Variants in BMP8B observed in about 807,000 individuals in gnomAD.
BMP8B encodes bone morphogenetic protein 8b.
In BMP8B, 17 loss-of-function variants were observed where a neutral mutation model predicts 30.3. That is an observed-to-expected ratio of 0.56 (90% CI 0.38 to 0.84). The LOEUF (loss-of-function observed/expected upper bound fraction) is 0.84, where lower values mean the gene tolerates loss of function less well. Ranked by LOEUF, BMP8B falls within the 40% of genes least tolerant of loss-of-function variation. BMP8B has a pLI of 0.00. For synonymous variants in BMP8B, 131 were observed against 214.7 expected (o/e 0.61, Z 3.41); for missense variants, 253 against 494.6 (o/e 0.51, Z 4.63).
intron 3 of BMP8B, chr1:39,769,531 C>T: frequency 1.1e-6 from 1 of 944,966 alleles, no homozygotes; most frequent in African/African-American, 1.7e-5. Context: ...GATCTGTTTT[C>T]CTGTTGTTTT....
chr1:39,764,271 G>C (rs1315650052), intron 4 of BMP8B, among the ~76,000 whole-genome samples: 4 of 151,480 alleles, frequency 2.6e-5, no homozygotes, highest in African/African-American at 9.8e-5. Flanking sequence ...GAGAAAACTC[G>C]CATAAGCAAC....
At chr1:39,775,081 G>C (rs548733741) in intron 1 of BMP8B, 43 bp from the exon 2 acceptor site, 2 of 1,423,892 alleles carry the variant, frequency 1.4e-6, no homozygotes, top group African/African-American at 2.8e-5. Flanking sequence ...AGAATGGCTC[G>C]GGCTCTGGAG....
rs370056406 is a variant in BMP8B at position 39,775,019 on chromosome 1, C to T, written c.354G>A (p.Leu118=). 92,391 of 1,411,292 alleles carry T rather than the reference C, an allele frequency of 0.065. 3,200 individuals carry two copies. The highest frequency in any genetic ancestry group is 0.12 in the Middle Eastern group (503 of 4,122). The allele number at this position is 1,411,292 out of a possible 1,614,324, so 87.4% of individuals were successfully genotyped here. A position where few individuals can be genotyped will look rare whatever the true frequency, so the allele number is the denominator to read the frequency against. ...FVNMVERDRA[L]GHQEPHWKEF... ...CCTTCCAATGGGGCTCCTGGTGGCC[C>T]AGGGCACGGTCTCGCTCCACTAGAA... The change falls in exon 2 of 7, where the codon CTG becomes CTA. Residue 118 remains leucine, a synonymous_variant. Transcript: ENST00000372827.
Position 39,782,672 on chromosome 1 carries a change from T to C in BMP8B, c.334+5480A>G, listed in dbSNP as rs989421125. ...TAGTAGAGACGGGGTTTCACCATGT[T>C]GTCCAGGCTTGTCTTTAACTCCTGA... On this transcript the variant is annotated intron_variant, in intron 1 of 6. Transcript: ENST00000372827. 4.6e-5 allele frequency among the ~76,000 whole-genome samples: 7 copies of C among 152,136 alleles called. No homozygotes were observed. In the East Asian group the frequency reaches 9.6e-4, roughly 21 times the overall value.
At chr1:39,770,364 C>A in intron 3 of BMP8B, 1 of 1,595,870 alleles carries the variant, frequency 6.3e-7, no homozygotes, top group South Asian at 1.1e-5. Flanking sequence ...CGCGTCCTGG[C>A]GTCCTCTTCC....
rs1231858999 is a variant in BMP8B at position 39,759,330 on chromosome 1, C to T, written c.*1089G>A. On this transcript the variant is annotated 3_prime_UTR_variant, in exon 7 of 7. Coordinates refer to ENST00000372827, the MANE Select transcript of BMP8B (RefSeq NM_001720.5). ...TTGGTGATCAGCCTGTTTTTGATGG[C>T]CCCTGGCCTCGCCCCAGACCCGGTC... is the stretch of plus-strand genomic sequence containing the variant. The T allele has an allele frequency of 6.6e-6, 1 of 152,304 alleles. No individual in the cohort carries two copies. Among genetic ancestry groups the T allele is most frequent in the African/African-American group, 2.4e-5 (1 of 41,460 alleles). The allele number at this position is 152,304 out of a possible 1,614,324, so 9.4% of individuals were successfully genotyped here.
At chr1:39,778,899 G>A (rs1481433046) in intron 1 of BMP8B, among the ~76,000 whole-genome samples, 1 of 151,948 alleles carries the variant, frequency 6.6e-6, no homozygotes, top group Non-Finnish European at 1.5e-5. Flanking sequence ...CAGCCCGGAA[G>A]AGCCCCCATC....
chr1:39,786,559 G>A (rs1443474559), intron 1 of BMP8B, among the ~76,000 whole-genome samples: 1 of 152,218 alleles, frequency 6.6e-6, no homozygotes, highest in African/African-American at 2.4e-5. Flanking sequence ...CCCAGGGGAT[G>A]CCAGGGGAGG....
chr1:39,785,663 C>T (rs1650924571), intron 1 of BMP8B, among the ~76,000 whole-genome samples: 1 of 151,956 alleles, frequency 6.6e-6, no homozygotes, highest in Admixed American at 6.5e-5. Flanking sequence ...GGTGACACCA[C>T]AGTGACCCTG....
intron 3 of BMP8B, among the ~76,000 whole-genome samples, chr1:39,769,284 C>T (rs1477548137): frequency 4.0e-5 from 6 of 150,890 alleles, no homozygotes; most frequent in Non-Finnish European, 5.9e-5. Context: ...TCGCCTATTT[C>T]TCACTGCAGT....
chr1:39,763,051 C>T (rs764688747), intron 6 of BMP8B, 41 bp downstream of exon 6: 22 of 1,602,928 alleles, frequency 1.4e-5, no homozygotes, highest in Admixed American at 1.3e-4. Context: ...CCACAGGGCC[C>T]CCCACCCCAG....
chr1:39,762,409 T>C, intron 6 of BMP8B: 2 of 1,375,614 alleles, frequency 1.5e-6, no homozygotes, highest in Non-Finnish European at 1.9e-6. Context: ...GGATTCTAGG[T>C]AAAAAGTTCT....
At chr1:39,782,629 G>A (rs984560267) in intron 1 of BMP8B, among the ~76,000 whole-genome samples, 6 of 152,036 alleles carry the variant, frequency 3.9e-5, no homozygotes, top group African/African-American at 7.2e-5. Context: ...CACCACAGCC[G>A]GCTAATTTTT....
intron 1 of BMP8B, 138 bp from the exon 2 acceptor site, chr1:39,775,176 T>C: frequency 3.0e-6 from 4 of 1,312,450 alleles, no homozygotes; most frequent in Non-Finnish European, 4.2e-6. Flanking sequence ...TGGGGCCGGC[T>C]TCATTTAGTG....
In BMP8B at chr1:39,759,099, G is replaced by C. The variant is rs1648605856; in HGVS notation, c.*1320C>G. On this transcript the variant is annotated 3_prime_UTR_variant, in exon 7 of 7. Transcript: ENST00000372827. ...TTCCAGCAGGTAAATTACAGGCTTA[G>C]CAAGTCAGAAATCAAATAAACACTC... 1 of 152,284 alleles carries C rather than the reference G, an allele frequency of 6.6e-6. No individual in the cohort carries two copies. The allele number at this position is 152,284 out of a possible 1,614,324, so 9.4% of individuals were successfully genotyped here. A position where few individuals can be genotyped will look rare whatever the true frequency, so the allele number is the denominator to read the frequency against.
At position 39,769,632 on chromosome 1, in the gene BMP8B, T is replaced by G. The variant is rs1649806399; in HGVS notation, c.673+4676A>C. ...CAAACCCCTCCCAGAGCTGGGGACA[T>G]GTATTCCCCTGGGGAACCCGGTGGC... On this transcript the variant is annotated intron_variant, in intron 3 of 6. Transcript: ENST00000372827. 3.4e-6 allele frequency: 5 copies of G among 1,451,246 alleles called. No homozygotes were observed. In the East Asian group the frequency reaches 1.3e-4, roughly 37 times the overall value. The allele number at this position is 1,451,246 out of a possible 1,614,324, so 89.9% of individuals were successfully genotyped here.
At chr1:39,776,586 G>C (rs548452973) in intron 1 of BMP8B, among the ~76,000 whole-genome samples, 5 of 152,318 alleles carry the variant, frequency 3.3e-5, no homozygotes, top group African/African-American at 1.2e-4. Context: ...TGCGGGGCAG[G>C]GGATGGGGCC....
chr1:39,757,297 C>T lies in BMP8B; in HGVS notation c.*3122G>A, dbSNP rs1648385974. 2 of 152,202 alleles carry T rather than the reference C, an allele frequency of 1.3e-5. No homozygotes were observed. 9.4% of individuals were successfully genotyped at this position (152,202 alleles called of 1,614,324 possible). On this transcript the variant is annotated 3_prime_UTR_variant, in exon 7 of 7. Transcript: ENST00000372827. ...TTAAGCATTTATATGTCAGACATCC[C>T]AAAGATTTGTGTACATATTTAGTCT...
rs895469577 is a variant in BMP8B, at chr1:39,788,615, G to T, written c.-130C>A. The T allele has an allele frequency of 2.3e-6, 2 of 861,192 alleles. No individual in the cohort carries two copies. The highest frequency in any genetic ancestry group is 5.1e-5 in the South Asian group (1 of 19,426). 53.3% of individuals were successfully genotyped at this position (861,192 alleles called of 1,614,324 possible). On this transcript the variant is annotated 5_prime_UTR_variant, in exon 1 of 7. Coordinates refer to ENST00000372827, the MANE Select transcript of BMP8B (RefSeq NM_001720.5). This position sits in a 1 kb window ranked among gnomAD's most constrained non-coding sequence, Gnocchi z 5.8. Reference sequence around the variant, plus strand: ...GGGCGGCGGGCGGCGGGGCGGGGCGGGACGGGCGGCGACCGCGGCCTCAGC... The same window carrying T: ...GGGCGGCGGGCGGCGGGGCGGGGCGTGACGGGCGGCGACCGCGGCCTCAGC...
Sources: allele counts gnomAD v4.1 joint callset (sites outside exome capture counted in the v4.1 genomes callset), GRCh38; gene constraint gnomAD v4.1.1; non-coding constraint Gnocchi (gnomAD v3.1); transcripts MANE v1.5; gene names NCBI Gene and HGNC (gene_info 2026-07-23, HGNC 2026-07-21).